The following SMURF1 variants were observed in gnomAD, a reference collection of about 807,000 sequenced individuals.
The protein encoded by SMURF1 is SMAD specific E3 ubiquitin protein ligase 1.
In SMURF1, 44 loss-of-function variants were observed where a neutral mutation model predicts 98.0. The observed-to-expected ratio is 0.45, with a 90% CI of 0.35 to 0.58. SMURF1 has a LOEUF of 0.58. Among genes scored for constraint, SMURF1 ranks in the 20% least tolerant of loss-of-function variants. The pLI, the probability that SMURF1 is intolerant of heterozygous loss-of-function variation, is 0.00. For synonymous variants in SMURF1, 396 were observed against 374.9 expected (o/e 1.06, Z -0.65); for missense variants, 687 against 938.4 (o/e 0.73, Z 3.50).
chr7:99,084,519 G>C (rs1291497657), intron 1 of SMURF1, among the ~76,000 whole-genome samples: 7 of 151,958 alleles, frequency 4.6e-5, no homozygotes, highest in African/African-American at 1.5e-4. Context: ...ATTTTTCTTG[G>C]GGAAGAATCA....
chr7:99,095,376 G>T (rs758377274), intron 1 of SMURF1, among the ~76,000 whole-genome samples: 3 of 152,094 alleles, frequency 2.0e-5, no homozygotes, highest in African/African-American at 4.8e-5. Flanking sequence ...CACCGCAGGC[G>T]GACTGTTTTT....
intron 1 of SMURF1, among the ~76,000 whole-genome samples, chr7:99,125,655 T>A (rs1331822351): frequency 6.6e-6 from 1 of 152,242 alleles, no homozygotes; most frequent in Non-Finnish European, 1.5e-5. Context: ...TGCACCCTGC[T>A]GGCACTTTCC....
intron 1 of SMURF1, among the ~76,000 whole-genome samples, chr7:99,117,182 A>G (rs187352276): frequency 1.3e-5 from 2 of 152,310 alleles, no homozygotes; most frequent in Admixed American, 6.5e-5. Flanking sequence ...GGACCCCCCT[A>G]TGTCACACTA....
rs1796040251 is a variant in SMURF1, at chr7:99,061,805, A to G, written c.88T>C (p.Phe30Leu). The G allele has an allele frequency of 6.2e-7, 1 of 1,604,692 alleles. No individual in the cohort carries two copies. The highest frequency in any genetic ancestry group is 1.3e-5 in the African/African-American group (1 of 74,568). ...AAAATAAGTGTTTACTTACTGAAGA[A>G]GTCTTTCTTTGCAAGGTTCTTGGCA... ...LCAKNLAKKD[F>L]FRLPDPFAKI... Residue 30 changes from phenylalanine (F) to leucine (L), a missense_variant, in exon 2 of 18, where the codon TTC becomes CTC. Physicochemically the swap from Phe to Leu is conservative, Grantham distance 22. This residue lies in a region of SMURF1 where 415 missense variants were observed against 508.4 expected (regional missense o/e 0.82). Coordinates refer to ENST00000361368, the MANE Select transcript of SMURF1 (RefSeq NM_181349.3).
Position 99,029,785 on chromosome 7 carries a change from G to T in SMURF1, c.*799C>A, listed in dbSNP as rs965589960. 1 of 152,020 alleles carries T rather than the reference G, an allele frequency of 6.6e-6. No homozygotes were observed. Among genetic ancestry groups the T allele is most frequent in the Non-Finnish European group, 1.5e-5 (1 of 68,028 alleles). 9.4% of individuals were successfully genotyped at this position (152,020 alleles called of 1,614,324 possible). A position where few individuals can be genotyped will look rare whatever the true frequency, so the allele number is the denominator to read the frequency against. The stretch of plus-strand genomic sequence containing the variant: ...CTGGTTGGCTCTAGGGCTGATTTTG[G>T]TCTGCTCTTTCCTACACTCCATGAC... On this transcript the variant is annotated 3_prime_UTR_variant, in exon 18 of 18. Transcript: ENST00000361368.
At chr7:99,125,958 T>C (rs1167967784) in intron 1 of SMURF1, among the ~76,000 whole-genome samples, 5 of 152,218 alleles carry the variant, frequency 3.3e-5, no homozygotes, top group Non-Finnish European at 7.3e-5. Flanking sequence ...CAGACTCATG[T>C]CCACTCTGTC....
intron 1 of SMURF1, among the ~76,000 whole-genome samples, chr7:99,092,743 T>C (rs4292617): frequency 0.95 from 144,067 of 152,164 alleles, 68,617 homozygotes; most frequent in East Asian, 1. Context: ...TGCTGTTCGT[T>C]GTGAGTTCAA....
chr7:99,115,083 A>G (rs1171564587), intron 1 of SMURF1, among the ~76,000 whole-genome samples: 1 of 151,984 alleles, frequency 6.6e-6, no homozygotes, highest in Non-Finnish European at 1.5e-5. Context: ...AAGGAATTAG[A>G]AAAAGAACAG....
At chr7:99,056,062 CTT>C (rs1170041145) in intron 5 of SMURF1, among the ~76,000 whole-genome samples, 4 of 152,198 alleles carry the variant, frequency 2.6e-5, no homozygotes, top group African/African-American at 9.7e-5. Context: ...ATGAACAAGA[CTT>C]TTATAAAGTT....
chr7:99,088,362 C>T (rs757899202), intron 1 of SMURF1, among the ~76,000 whole-genome samples: 5 of 151,992 alleles, frequency 3.3e-5, no homozygotes, highest in Non-Finnish European at 5.9e-5. Context: ...CTCCTTTGCT[C>T]AGGGTCCCCT....
At chr7:99,108,304 G>A (rs964850001) in intron 1 of SMURF1, among the ~76,000 whole-genome samples, 7 of 148,926 alleles carry the variant, frequency 4.7e-5, no homozygotes, top group African/African-American at 1.2e-4. Flanking sequence ...TGCAACCTCC[G>A]CCACCTGGGT....
chr7:99,131,225 C>A (rs1797865428), intron 1 of SMURF1, among the ~76,000 whole-genome samples: 1 of 152,088 alleles, frequency 6.6e-6, no homozygotes, highest in East Asian at 1.9e-4. Context: ...AGGTATCCTG[C>A]TTTTAAACAA....
intron 1 of SMURF1, among the ~76,000 whole-genome samples, chr7:99,117,226 C>A (rs545235205): frequency 5.6e-4 from 85 of 151,978 alleles, no homozygotes; most frequent in Non-Finnish European, 1.0e-3. Flanking sequence ...GAACAAAGAT[C>A]TAAATTTAAG....
intron 11 of SMURF1, among the ~76,000 whole-genome samples, chr7:99,044,360 C>G (rs189635315): frequency 3.2e-4 from 48 of 152,074 alleles, no homozygotes; most frequent in African/African-American, 1.0e-3. Context: ...GAATTTGTTC[C>G]AAAAAGTTAA....
chr7:99,049,821 C>T (rs1563005202), intron 8 of SMURF1, 112 bp from the exon 9 acceptor site: 1 of 1,078,732 alleles, frequency 9.3e-7, no homozygotes, highest in Admixed American at 2.5e-5. Context: ...TGTGTCCCAG[C>T]TCTGCTAAGA....
intron 1 of SMURF1, among the ~76,000 whole-genome samples, chr7:99,117,338 A>G (rs188853363): frequency 2.2e-4 from 34 of 151,960 alleles, no homozygotes; most frequent in African/African-American, 8.0e-4. Context: ...AGCACAAACA[A>G]CGCTTTTTTT....
intron 7 of SMURF1, among the ~76,000 whole-genome samples, chr7:99,051,713 T>G (rs1395160695): frequency 6.6e-6 from 1 of 152,224 alleles, no homozygotes; most frequent in Non-Finnish European, 1.5e-5. Flanking sequence ...ACTTGATTTC[T>G]AAACTGGGAG....
At chr7:99,063,165 G>A (rs753732290) in intron 1 of SMURF1, among the ~76,000 whole-genome samples, 13 of 142,344 alleles carry the variant, frequency 9.1e-5, no homozygotes, top group Non-Finnish European at 1.2e-4. Flanking sequence ...GAATAATGTC[G>A]TAAGTGATAA....
intron 13 of SMURF1, among the ~76,000 whole-genome samples, chr7:99,039,616 C>T (rs553973673): frequency 4.6e-5 from 7 of 152,318 alleles, no homozygotes; most frequent in Admixed American, 6.5e-5. Flanking sequence ...GATCCACCCA[C>T]CTCGGCCCCA....
Sources: allele counts gnomAD v4.1 joint callset (sites outside exome capture counted in the v4.1 genomes callset), GRCh38; gene constraint gnomAD v4.1.1; regional missense constraint gnomAD v4.1.1; transcripts MANE v1.5; gene names NCBI Gene and HGNC (gene_info 2026-07-23, HGNC 2026-07-21).